The following CHD2 variants were observed in gnomAD, a reference collection of about 807,000 sequenced individuals.
CHD2 encodes chromodomain helicase DNA binding protein 2.
CHD2 carries 28 observed loss-of-function variants against 243.9 expected under a neutral mutation model. The observed-to-expected ratio is 0.11, with a 90% CI of 0.09 to 0.16. The LOEUF (loss-of-function observed/expected upper bound fraction) is 0.16, where lower values mean the gene tolerates loss of function less well. CHD2 is among the 10% of genes least tolerant of loss of function. The probability of loss-of-function intolerance (pLI) is 1.00; values close to 1 mark genes in which losing one functional copy is unlikely to be tolerated. For missense variants in CHD2, 1,386 were observed against 2,209.8 expected (o/e 0.63, Z 7.47); for synonymous variants, 775 against 779.0 (o/e 0.99, Z 0.09).
In CHD2 at chr15:92,979,158, A is replaced by T. The variant is rs1233513499; in HGVS notation, c.2751A>T (p.Thr917=). The change falls in exon 22 of 39, where the codon ACA becomes ACT. Residue 917 remains threonine (T), a synonymous_variant. Transcript: ENST00000394196. ...KKQVNIYRLV[T]KGTVEEEIIE... is the part of the protein sequence containing the mutation. Reference sequence around the variant, plus strand: ...AGGTAAATATTTACCGCTTAGTTACAAAGGGGACTGTGGAGGAGGAGATCA... The same window carrying T: ...AGGTAAATATTTACCGCTTAGTTACTAAGGGGACTGTGGAGGAGGAGATCA... 5 of 1,614,042 alleles carry T rather than the reference A, an allele frequency of 3.1e-6. No homozygotes were observed. In the Admixed American group the frequency reaches 8.3e-5, roughly 27 times the overall value.
At chr15:93,020,297 G>T in intron 38 of CHD2, 39 bp downstream of exon 38, 2 of 1,613,108 alleles carry the variant, frequency 1.2e-6, no homozygotes, top group Non-Finnish European at 1.7e-6. Flanking sequence ...GCCAACCTTT[G>T]CCAGGAGCTG....
chr15:92,967,270 C>T, intron 16 of CHD2, 55 bp from the exon 17 acceptor site: 95 of 1,234,750 alleles, frequency 7.7e-5, no homozygotes, highest in East Asian at 2.6e-4. Flanking sequence ...AGTTTTTTTT[C>T]CTATTCTTCT....
chr15:92,986,445 ATTC>A (rs1342082795), intron 26 of CHD2, among the ~76,000 whole-genome samples: 1 of 152,166 alleles, frequency 6.6e-6, no homozygotes, highest in Non-Finnish European at 1.5e-5. Context: ...GGTCACACCT[ATTC>A]TTCTTTCTTT....
chr15:93,004,037 T>G (rs1029391349), intron 33 of CHD2, among the ~76,000 whole-genome samples: 2 of 149,824 alleles, frequency 1.3e-5, no homozygotes, highest in African/African-American at 4.9e-5. Context: ...GGCAGAAGAA[T>G]CTCTTGAACC....
At chr15:92,978,958 A>G (rs545100746) in intron 21 of CHD2, among the ~76,000 whole-genome samples, 177 bp from the exon 22 acceptor site, 5 of 152,192 alleles carry the variant, frequency 3.3e-5, no homozygotes, top group Non-Finnish European at 7.3e-5. Flanking sequence ...GCACATAGTA[A>G]AAGTATTGCA....
In CHD2 at chr15:92,997,640, G is replaced by T; in HGVS notation, c.3885+237G>T. The T allele has an allele frequency of 3.0e-6, 1 of 330,698 alleles. No individual in the cohort carries two copies. The allele number at this position is 330,698 out of a possible 1,614,324, so 20.5% of individuals were successfully genotyped here. A position where few individuals can be genotyped will look rare whatever the true frequency, so the allele number is the denominator to read the frequency against. Reference sequence around the variant, plus strand: ...ACTGTAGGAGAAATCTTAAAATTCTGGTATTTAATTATAGGTCAGATTTCA... The same window carrying T: ...ACTGTAGGAGAAATCTTAAAATTCTTGTATTTAATTATAGGTCAGATTTCA... On this transcript the variant is annotated intron_variant, in intron 30 of 38. Coordinates refer to ENST00000394196, the MANE Select transcript of CHD2 (RefSeq NM_001271.4). The surrounding 1 kb of genome is among the most constrained non-coding windows in gnomAD (Gnocchi z 4.1).
At chr15:92,902,376 TTATAAATTTTAAATCA>T (rs1450006848) in intron 2 of CHD2, 1 of 387,136 alleles carries the variant, frequency 2.6e-6, no homozygotes, top group East Asian at 3.7e-5. Flanking sequence ...CATTTTCATA[TTATAAATTTTAAATCA>T]TGCAGTTTAA....
intron 28 of CHD2, 77 bp from the exon 29 acceptor site, chr15:92,996,880 C>A: frequency 7.2e-7 from 1 of 1,394,370 alleles, no homozygotes; most frequent in South Asian, 1.4e-5. Context: ...ACTAAGAGGT[C>A]AGGGTTCGTT....
chr15:93,010,458 C>T (rs2054377998), intron 35 of CHD2, among the ~76,000 whole-genome samples: 1 of 147,160 alleles, frequency 6.8e-6, no homozygotes, highest in Admixed American at 6.8e-5. Flanking sequence ...GACTCTTTCA[C>T]TCTATCGCCC....
intron 33 of CHD2, 25 bp downstream of exon 33, chr15:93,002,342 A>G: frequency 6.3e-7 from 1 of 1,582,548 alleles, no homozygotes; most frequent in Non-Finnish European, 8.5e-7. Flanking sequence ...CTGTTCATGC[A>G]GATATCCACA....
At chr15:92,943,290 G>A (rs1488612442) in intron 9 of CHD2, 6 of 518,828 alleles carry the variant, frequency 1.2e-5, no homozygotes, top group South Asian at 6.4e-5. Context: ...CTTATGGAGC[G>A]TTATTCACAC....
At chr15:92,992,251 AAGGTC>A (rs2054129405) in intron 27 of CHD2, among the ~76,000 whole-genome samples, 1 of 152,226 alleles carries the variant, frequency 6.6e-6, no homozygotes, top group African/African-American at 2.4e-5. Flanking sequence ...CAAGGCCAAG[AAGGTC>A]AGTTGCATCT....
intron 38 of CHD2, 27 bp downstream of exon 38, chr15:93,020,285 G>C: frequency 1.2e-6 from 2 of 1,613,854 alleles, no homozygotes; most frequent in Non-Finnish European, 1.7e-6. Context: ...GAGACACCAG[G>C]TGCCAACCTT....
intron 31 of CHD2, among the ~76,000 whole-genome samples, chr15:92,999,220 ATACTGT>A (rs898309868): frequency 1.2e-4 from 18 of 151,862 alleles, no homozygotes; most frequent in Non-Finnish European, 1.8e-4. Flanking sequence ...TATTCCACAC[ATACTGT>A]TACTGTTTCT....
chr15:92,966,290 C>T (rs1056828693), intron 16 of CHD2, among the ~76,000 whole-genome samples: 2 of 151,940 alleles, frequency 1.3e-5, no homozygotes, highest in African/African-American at 4.8e-5. Flanking sequence ...TCTCGAACTC[C>T]TGACCTCAGG....
At chr15:92,921,492 T>C (rs1277010941) in intron 2 of CHD2, 2 of 152,220 alleles carry the variant, frequency 1.3e-5, no homozygotes, top group African/African-American at 4.8e-5. Context: ...TCAAGTAGAC[T>C]GCCCTTTCTA....
At chr15:92,938,087 G>C (rs1044836149) in intron 6 of CHD2, among the ~76,000 whole-genome samples, 3 of 152,202 alleles carry the variant, frequency 2.0e-5, no homozygotes, top group Non-Finnish European at 4.4e-5. Context: ...CAGGAAAAGG[G>C]AGTCAGAAGA....
chr15:93,001,449 C>T (rs1406149372), intron 32 of CHD2, among the ~76,000 whole-genome samples: 1 of 152,130 alleles, frequency 6.6e-6, no homozygotes, highest in Non-Finnish European at 1.5e-5. Context: ...ATATTAGCTC[C>T]AAGAGGATCA....
At chr15:93,019,617 A>G (rs1281900145) in intron 37 of CHD2, among the ~76,000 whole-genome samples, 1 of 152,144 alleles carries the variant, frequency 6.6e-6, no homozygotes, top group Non-Finnish European at 1.5e-5. Context: ...AATACAGAGA[A>G]GATTGGTGTG....
Sources: gnomAD v4.1 joint callset for allele counts (sites outside exome capture counted in the v4.1 genomes callset) on GRCh38, gnomAD v4.1.1 for gene constraint, Gnocchi (gnomAD v3.1) non-coding constraint, MANE v1.5 for transcripts, NCBI Gene and HGNC (gene_info 2026-07-23, HGNC 2026-07-21) for gene names.